The following ABL1 variants were observed in gnomAD, a reference collection of about 807,000 sequenced individuals.
The protein encoded by ABL1 is tyrosine-protein kinase ABL1.
In ABL1, 11 loss-of-function variants were observed where a neutral mutation model predicts 94.7. The observed-to-expected ratio is 0.12, with a 90% CI of 0.07 to 0.19. The LOEUF (loss-of-function observed/expected upper bound fraction) is 0.19, where lower values mean the gene tolerates loss of function less well. ABL1 is among the 10% of genes least tolerant of loss of function. ABL1 has a pLI of 1.00. For synonymous variants in ABL1, 656 were observed against 622.4 expected (o/e 1.05, Z -0.80); for missense variants, 1,082 against 1,489.4 (o/e 0.73, Z 4.50).
chr9:130,751,883 T>C (rs1310493853), intron 1 of ABL1, among the ~76,000 whole-genome samples: 1 of 152,204 alleles, frequency 6.6e-6, no homozygotes, highest in East Asian at 1.9e-4. Context: ...TTGCAGACCC[T>C]AAATCACATT....
chr9:130,773,040 G>A (rs1206843538), intron 1 of ABL1, among the ~76,000 whole-genome samples: 1 of 152,182 alleles, frequency 6.6e-6, no homozygotes, highest in Admixed American at 6.5e-5. Flanking sequence ...AGATGAGCTG[G>A]CCGGGTGCAG....
In ABL1 at chr9:130,728,230, A is replaced by ATTTTTTTTTTTTTTTTTTTTTTT. The variant is rs55915035; in HGVS notation, c.136+13793_136+13794insTTTTTTTTTTTTTTTTTTTTTTT. ...GGGCATGCGCCACCATGTCCAGCTG[A>ATTTTTTTTTTTTTTTTTTTTTTT]TTTTTTTTTTTTTTTTTTGTGGAGA... On this transcript the variant is annotated intron_variant, in intron 1 of 10. Transcript: ENST00000372348. 5.8e-5 allele frequency among the ~76,000 whole-genome samples: 6 copies of ATTTTTTTTTTTTTTTTTTTTTTT among 102,572 alleles called. 1 individual carries two copies. Among genetic ancestry groups the ATTTTTTTTTTTTTTTTTTTTTTT allele is most frequent in the African/African-American group, 2.1e-4 (4 of 19,038 alleles). 67.3% of individuals were successfully genotyped at this position (102,572 alleles called of 152,430 possible).
chr9:130,736,581 T>C (rs1165130125), intron 1 of ABL1, among the ~76,000 whole-genome samples: 1 of 149,706 alleles, frequency 6.7e-6, no homozygotes, highest in Non-Finnish European at 1.5e-5. Flanking sequence ...AACCTCCGCC[T>C]CCTAGGTTCA....
In ABL1 at chr9:130,727,761, C is replaced by G. The variant is rs991811295; in HGVS notation, c.136+13306C>G. ...ACAGAGTGAGACACCGCCCCCCCCC[C>G]CCAAAAAAAAGCATTTATTAGGAAA... On this transcript the variant is annotated intron_variant, in intron 1 of 10. Coordinates refer to the ABL1 transcript ENST00000372348. 5.1e-5 allele frequency among the ~76,000 whole-genome samples: 7 copies of G among 136,262 alleles called. 1 individual carries two copies. The highest frequency in any genetic ancestry group is 2.4e-4 in the South Asian group (1 of 4,148). 89.4% of individuals were successfully genotyped at this position (136,262 alleles called of 152,430 possible).
chr9:130,860,264 C>T (rs1483828204), intron 3 of ABL1, among the ~76,000 whole-genome samples: 3 of 152,110 alleles, frequency 2.0e-5, no homozygotes, highest in Non-Finnish European at 2.9e-5. Flanking sequence ...ACCAAATATG[C>T]GGTGCCTTTG....
chr9:130,886,266 G>A lies in ABL1; in HGVS notation c.*583G>A. On this transcript the variant is annotated 3_prime_UTR_variant, in exon 11 of 11. Coordinates refer to ENST00000318560, the MANE Select transcript of ABL1 (RefSeq NM_005157.6). ...CTGCCCTCTGCTGCTGCCCGGGGTG[G>A]GGTGCACTCGCCATTTCCTCACGTG... 4.2e-6 allele frequency: 1 copy of A among 235,646 alleles called. No homozygotes were observed. The highest frequency in any genetic ancestry group is 6.0e-5 in the East Asian group (1 of 16,608). 14.6% of individuals were successfully genotyped at this position (235,646 alleles called of 1,614,324 possible).
chr9:130,876,352 G>A (rs1253554059), intron 7 of ABL1, among the ~76,000 whole-genome samples: 2 of 151,744 alleles, frequency 1.3e-5, no homozygotes, highest in African/African-American at 4.8e-5. Context: ...GGAAGAGCAG[G>A]GTCAATTCTT....
At chr9:130,841,400 C>T (rs1350374914) in intron 1 of ABL1, among the ~76,000 whole-genome samples, 8 of 152,004 alleles carry the variant, frequency 5.3e-5, no homozygotes, top group Non-Finnish European at 1.0e-4. Flanking sequence ...AGCCACTGCA[C>T]CGGGCCAAAA....
At chr9:130,821,847 T>A (rs745649781) in intron 1 of ABL1, among the ~76,000 whole-genome samples, 6,853 of 147,434 alleles carry the variant, frequency 0.046, 201 homozygotes, top group African/African-American at 0.078. Flanking sequence ...ATTATTTTTT[T>A]TTTTTTTTTT....
At chr9:130,770,385 T>C (rs895985892) in intron 1 of ABL1, among the ~76,000 whole-genome samples, 4 of 152,144 alleles carry the variant, frequency 2.6e-5, no homozygotes, top group Non-Finnish European at 5.9e-5. Context: ...TGCACACCTG[T>C]AGTCCCAGCT....
intron 1 of ABL1, among the ~76,000 whole-genome samples, chr9:130,742,795 G>T (rs924747362): frequency 1.3e-5 from 2 of 151,962 alleles, no homozygotes; most frequent in Admixed American, 1.3e-4. Flanking sequence ...ATGTATATCA[G>T]ATGTACGCAC....
rs1435082956 is a variant in ABL1 at position 130,880,538 on chromosome 9, G to T, written c.1552G>T (p.Ala518Ser). The T allele has an allele frequency of 5.0e-6, 8 of 1,613,824 alleles. No homozygotes were observed. Among genetic ancestry groups the T allele is most frequent in the Non-Finnish European group, 6.8e-6 (8 of 1,179,926 alleles). ...GCTGGGGAAACAAGGCGTCCGTGGGGCTGTGAGTACCTTGCTGCAGGCCCC... is the reference window on the plus strand; with the variant it reads ...GCTGGGGAAACAAGGCGTCCGTGGGTCTGTGAGTACCTTGCTGCAGGCCCC... ...KELGKQGVRG[A>S]VSTLLQAPEL... Residue 518 changes from alanine to serine, a missense_variant, in exon 10 of 11, where the codon GCT becomes TCT. By Grantham distance (99) the Ala-to-Ser change is moderately conservative. Transcript: ENST00000318560. The surrounding 1 kb of genome is among the most constrained non-coding windows in gnomAD (Gnocchi z 4.4).
intron 1 of ABL1, among the ~76,000 whole-genome samples, chr9:130,797,205 G>A (rs11789765): frequency 3.2e-5 from 4 of 125,094 alleles, no homozygotes; most frequent in Admixed American, 3.0e-4. Context: ...CACTGCATTC[G>A]AGCCTGGGCG....
intron 1 of ABL1, among the ~76,000 whole-genome samples, chr9:130,770,586 T>G (rs1049647090): frequency 1.3e-5 from 2 of 152,238 alleles, no homozygotes; most frequent in Non-Finnish European, 2.9e-5. Flanking sequence ...GCAAATTATT[T>G]GGAGGTTTTG....
intron 1 of ABL1, among the ~76,000 whole-genome samples, chr9:130,820,031 A>C (rs1830339322): frequency 6.6e-6 from 1 of 151,386 alleles, no homozygotes; most frequent in South Asian, 2.1e-4. Context: ...TGCTTGTTGG[A>C]CTTCAGTCAC....
intron 1 of ABL1, among the ~76,000 whole-genome samples, chr9:130,818,399 G>A (rs1830316859): frequency 6.6e-6 from 1 of 152,196 alleles, no homozygotes; most frequent in African/African-American, 2.4e-5. Context: ...GAACCCTGGA[G>A]GAAGAGGTTG....
intron 1 of ABL1, among the ~76,000 whole-genome samples, chr9:130,846,626 A>G (rs1446816460): frequency 2.0e-5 from 3 of 152,168 alleles, no homozygotes; most frequent in East Asian, 1.9e-4. Flanking sequence ...AGTGGGAACT[A>G]TGATGTTGGG....
chr9:130,741,263 G>C (rs533495687), intron 1 of ABL1, among the ~76,000 whole-genome samples: 5 of 152,198 alleles, frequency 3.3e-5, no homozygotes, highest in African/African-American at 1.2e-4. Context: ...CAGACCCATG[G>C]TCGAGGGAGA....
intron 1 of ABL1, among the ~76,000 whole-genome samples, chr9:130,771,847 G>C (rs933988997): frequency 4.0e-5 from 6 of 150,382 alleles, no homozygotes; most frequent in African/African-American, 1.2e-4. Context: ...TCCTCCTCCT[G>C]GGCTCAAGCA....
Sources: allele counts gnomAD v4.1 joint callset (sites outside exome capture counted in the v4.1 genomes callset), GRCh38; gene constraint gnomAD v4.1.1; non-coding constraint Gnocchi (gnomAD v3.1); transcripts MANE v1.5; gene names NCBI Gene and HGNC (gene_info 2026-07-23, HGNC 2026-07-21).